The following PDS5B variants were observed in gnomAD, a reference collection of about 807,000 sequenced individuals.
The protein encoded by PDS5B is sister chromatid cohesion protein PDS5 homolog B.
A neutral mutation model predicts 184.1 loss-of-function variants in PDS5B; 51 were observed. The ratio of observed to expected loss-of-function variants is 0.28; its 90% CI spans 0.22 to 0.35. The LOEUF (loss-of-function observed/expected upper bound fraction) is 0.35, where lower values mean the gene tolerates loss of function less well. Ranked by LOEUF, PDS5B falls within the 10% of genes least tolerant of loss-of-function variation. The pLI is 1.00. For synonymous variants in PDS5B, 566 were observed against 569.2 expected (o/e 0.99, Z 0.08); for missense variants, 1,180 against 1,723.3 (o/e 0.68, Z 5.58).
At position 32,770,321 on chromosome 13, in the gene PDS5B, A is replaced by G. The variant is rs774710364; in HGVS notation, c.3825A>G (p.Leu1275=). 2.5e-6 allele frequency: 4 copies of G among 1,614,046 alleles called. No individual in the cohort carries two copies. The South Asian group carries it at 4.4e-5, about 18-fold the overall frequency. The change falls in exon 32 of 35, where the codon TTA becomes TTG. Residue 1275 remains leucine, a synonymous_variant. Coordinates refer to ENST00000315596, the MANE Select transcript of PDS5B (RefSeq NM_015032.4). ...AAAAGAGGCTCAAAGAAGATATATT[A>G]GAAAATGAAGATGAACAGAATAGTC... The part of the protein sequence containing the change: ...PEEKRLKEDI[L]ENEDEQNSPP...
At chr13:32,768,968 AAATT>A (rs1954684205) in intron 31 of PDS5B, among the ~76,000 whole-genome samples, 1 of 148,988 alleles carries the variant, frequency 6.7e-6, no homozygotes, top group African/African-American at 2.5e-5. Flanking sequence ...AAAAAAAAAA[AAATT>A]AGCCAGGCGT....
At chr13:32,716,649 C>T (rs375598900) in intron 19 of PDS5B, among the ~76,000 whole-genome samples, 38,774 of 120,278 alleles carry the variant, frequency 0.32, 7,805 homozygotes, top group Non-Finnish European at 0.4. Context: ...CCAGCCGCCC[C>T]GTTTGGGAGG....
At chr13:32,696,722 G>A in intron 14 of PDS5B, 132 bp from the exon 15 acceptor site, 1 of 650,758 alleles carries the variant, frequency 1.5e-6, no homozygotes, top group South Asian at 1.7e-5. Context: ...AATAGATGAA[G>A]AAGGTGACAG....
At chr13:32,699,696 AATTG>A in intron 15 of PDS5B, 30 bp from the exon 16 acceptor site, 1 of 1,266,716 alleles carries the variant, frequency 7.9e-7, no homozygotes, top group Non-Finnish European at 1.0e-6. Flanking sequence ...AATTAAAAAA[AATTG>A]ATTTTAATTG....
Position 32,662,028 on chromosome 13 carries a change from C to T in PDS5B, c.624+2748C>T, listed in dbSNP as rs886628383. Among the ~76,000 whole-genome samples the T allele has an allele frequency of 2.6e-5, 4 of 152,022 alleles. No homozygotes were observed. In the East Asian group the frequency reaches 7.7e-4, roughly 29 times the overall value. On this transcript the variant is annotated intron_variant, in intron 6 of 34. Transcript: ENST00000315596. ...AGTAAATGTAAATGACCTGTATTTACCATGTAAGACAGGTTCTCAGATTGG... is the reference window on the plus strand; with the variant it reads ...AGTAAATGTAAATGACCTGTATTTATCATGTAAGACAGGTTCTCAGATTGG...
At chr13:32,710,339 A>T (rs1352524929) in intron 19 of PDS5B, among the ~76,000 whole-genome samples, 1 of 152,172 alleles carries the variant, frequency 6.6e-6, no homozygotes, top group Non-Finnish European at 1.5e-5. Flanking sequence ...CATCAGTTAG[A>T]TAGTCCCTGG....
chr13:32,645,501 A>G (rs1452496607), intron 1 of PDS5B, among the ~76,000 whole-genome samples: 1 of 151,960 alleles, frequency 6.6e-6, no homozygotes, highest in Non-Finnish European at 1.5e-5. Flanking sequence ...TTTCTTAATC[A>G]TTTTTTTCTT....
intron 3 of PDS5B, among the ~76,000 whole-genome samples, chr13:32,657,234 G>A (rs956691530): frequency 6.6e-6 from 1 of 152,172 alleles, no homozygotes; most frequent in Non-Finnish European, 1.5e-5. Flanking sequence ...CTAAGAACTT[G>A]CTTTATGAAT....
chr13:32,720,727 A>G (rs928170871), intron 19 of PDS5B, among the ~76,000 whole-genome samples: 4 of 151,268 alleles, frequency 2.6e-5, no homozygotes, highest in Non-Finnish European at 4.4e-5. Flanking sequence ...AATAGTGGAG[A>G]GAAGGTCAGC....
At chr13:32,682,526 C>A (rs1185826265) in intron 10 of PDS5B, among the ~76,000 whole-genome samples, 2 of 152,068 alleles carry the variant, frequency 1.3e-5, no homozygotes, top group African/African-American at 4.8e-5. Context: ...TTACCCACTT[C>A]TTTTGATGGT....
At chr13:32,624,837 T>A (rs1210712168) in intron 1 of PDS5B, among the ~76,000 whole-genome samples, 1 of 152,202 alleles carries the variant, frequency 6.6e-6, no homozygotes, top group Non-Finnish European at 1.5e-5. Flanking sequence ...AATGCTAATA[T>A]GCACATTTGC....
At chr13:32,605,994 A>G (rs541624618) in intron 1 of PDS5B, among the ~76,000 whole-genome samples, 2 of 151,944 alleles carry the variant, frequency 1.3e-5, no homozygotes, top group South Asian at 2.1e-4. Context: ...TGAATACAGC[A>G]TACTGATGGG....
rs183579097 is a variant in PDS5B at position 32,685,674 on chromosome 13, C to G, written c.1204-1460C>G. On this transcript the variant is annotated intron_variant, in intron 11 of 34. Coordinates refer to ENST00000315596, the MANE Select transcript of PDS5B (RefSeq NM_015032.4). ...TCTTACTTATTTTTTGAGACAAAGT[C>G]TCCCTTTGTCACCCAGGCTGGAGTG... Among the ~76,000 whole-genome samples the G allele has an allele frequency of 3.6e-3, 547 of 152,254 alleles. 1 individual carries two copies. The highest frequency in any genetic ancestry group is 6.3e-3 in the Non-Finnish European group (429 of 68,008).
chr13:32,602,022 T>G (rs1030310951), intron 1 of PDS5B, among the ~76,000 whole-genome samples: 4 of 151,076 alleles, frequency 2.6e-5, no homozygotes, highest in African/African-American at 9.7e-5. Context: ...ATATTTGATC[T>G]TGCTCCTTTA....
chr13:32,741,011 C>A (rs1953522928), intron 21 of PDS5B, 69 bp from the exon 22 acceptor site: 1 of 875,678 alleles, frequency 1.1e-6, no homozygotes. Flanking sequence ...TTTCTAAGTG[C>A]TAATTGAAAA....
intron 31 of PDS5B, 38 bp downstream of exon 31, chr13:32,764,632 A>C: frequency 8.8e-7 from 1 of 1,133,848 alleles, no homozygotes; most frequent in Non-Finnish European, 1.3e-6. Flanking sequence ...AATATTAATG[A>C]TAATTTTACT....
intron 1 of PDS5B, among the ~76,000 whole-genome samples, chr13:32,646,464 T>C (rs1053324186): frequency 6.6e-6 from 1 of 151,724 alleles, no homozygotes; most frequent in African/African-American, 2.4e-5. Context: ...TTTTCTGTTT[T>C]GGCAACTGAA....
intron 1 of PDS5B, among the ~76,000 whole-genome samples, chr13:32,628,228 C>T (rs925481141): frequency 6.6e-6 from 1 of 152,062 alleles, no homozygotes; most frequent in African/African-American, 2.4e-5. Context: ...CAAATCATTT[C>T]TATATTCCAT....
intron 1 of PDS5B, among the ~76,000 whole-genome samples, chr13:32,641,616 G>A (rs1045229186): frequency 2.0e-5 from 3 of 151,768 alleles, no homozygotes; most frequent in African/African-American, 7.3e-5. Context: ...TTTTTCTAAA[G>A]CCATTTTCTT....
Sources: gnomAD v4.1 joint callset for allele counts (sites outside exome capture counted in the v4.1 genomes callset) on GRCh38, gnomAD v4.1.1 for gene constraint, MANE v1.5 for transcripts, NCBI Gene and HGNC (gene_info 2026-07-23, HGNC 2026-07-21) for gene names.